PADI1: variants seen among roughly 807,000 people sequenced by gnomAD.
The protein encoded by PADI1 is protein-arginine deiminase type-1.
A neutral mutation model predicts 74.8 loss-of-function variants in PADI1; 65 were observed. The observed-to-expected ratio is 0.87, with a 90% CI of 0.71 to 1.07. PADI1 has a LOEUF of 1.07. Among genes scored for constraint, PADI1 ranks in the 50% least tolerant of loss-of-function variants. The pLI is 0.00. For missense variants in PADI1, 943 were observed against 854.0 expected (o/e 1.10, Z -1.30); for synonymous variants, 371 against 336.2 (o/e 1.10, Z -1.13).
At chr1:17,239,632 A>C in intron 13 of PADI1, 72 bp from the exon 14 acceptor site, 2 of 1,130,402 alleles carry the variant, frequency 1.8e-6, no homozygotes, top group East Asian at 2.4e-5. Context: ...GGCCTGGATT[A>C]TGTAGCCCCA....
intron 4 of PADI1, among the ~76,000 whole-genome samples, chr1:17,225,202 C>A (rs1230698095): frequency 6.6e-6 from 1 of 152,234 alleles, no homozygotes; most frequent in African/African-American, 2.4e-5. Flanking sequence ...ACTCACCTCT[C>A]AGAACCTCCC....
Position 17,229,057 on chromosome 1 carries a change from G to T in PADI1, c.929+6G>T. ...GAGGAGCTGTATGTGTGCAGGTGAG[G>T]CTCCCTCCCTCCAGCCCTCCCCCAA... On this transcript the variant is annotated splice_donor_region_variant and intron_variant, in intron 8 of 15. Transcript: ENST00000375471. 1 of 1,532,188 alleles carries T rather than the reference G, an allele frequency of 6.5e-7. No homozygotes were observed. The highest frequency in any genetic ancestry group is 1.2e-5 in the South Asian group (1 of 84,172). The allele number at this position is 1,532,188 out of a possible 1,614,324, so 94.9% of individuals were successfully genotyped here. A position where few individuals can be genotyped will look rare whatever the true frequency, so the allele number is the denominator to read the frequency against.
In PADI1 at chr1:17,230,208, G is replaced by C; in HGVS notation, c.1053G>C (p.Gln351His). The part of the protein sequence containing the change: ...QVENRNDRWI[Q>H]DEMEFGYIEA... ...AAAATCGAAATGACCGCTGGATCCA[G>C]GTGGGAGCTGGGGGCAGCTCGGGAA... Residue 351 changes from glutamine to histidine, a missense_variant and splice_region_variant, in exon 9 of 16, where the codon CAG becomes CAC. Physicochemically the swap from Gln to His is conservative, Grantham distance 24 (BLOSUM62 0). Coordinates refer to ENST00000375471, the MANE Select transcript of PADI1 (RefSeq NM_013358.3). The C allele has an allele frequency of 6.2e-7, 1 of 1,613,330 alleles. No individual in the cohort carries two copies. Among genetic ancestry groups the C allele is most frequent in the African/African-American group, 1.3e-5 (1 of 75,056 alleles).
At chr1:17,222,498 G>T (rs1413863299) in intron 2 of PADI1, 28 bp downstream of exon 2, 2 of 1,573,128 alleles carry the variant, frequency 1.3e-6, no homozygotes, top group African/African-American at 1.3e-5. Context: ...CATAGAAAAG[G>T]GTTGGATCTC....
At chr1:17,213,560 T>C (rs1275744766) in intron 1 of PADI1, among the ~76,000 whole-genome samples, 1 of 152,228 alleles carries the variant, frequency 6.6e-6, no homozygotes, top group African/African-American at 2.4e-5. Context: ...GCTGTCCTGG[T>C]AAATTCTTTT....
chr1:17,232,032 G>A (rs1251681267), intron 10 of PADI1, among the ~76,000 whole-genome samples: 1 of 152,070 alleles, frequency 6.6e-6, no homozygotes, highest in Non-Finnish European at 1.5e-5. Flanking sequence ...TCTGCCTTCC[G>A]GGTTCAAGCG....
chr1:17,224,146 C>T (rs1325014642), intron 3 of PADI1, among the ~76,000 whole-genome samples: 1 of 152,194 alleles, frequency 6.6e-6, no homozygotes, highest in African/African-American at 2.4e-5. Context: ...TGGACATGCA[C>T]AGGCAAGCAA....
At position 17,222,311 on chromosome 1, in the gene PADI1, C is replaced by T; in HGVS notation, c.114C>T (p.Asn38=). The change falls in exon 2 of 16, where the codon AAC becomes AAT. Residue 38 remains asparagine (N), a synonymous_variant. Coordinates refer to ENST00000375471, the MANE Select transcript of PADI1 (RefSeq NM_013358.3). ...DIHSDVPKGA[N]SFRVSGSSGV... ...CCAGTGATGTGCCCAAGGGTGCCAA[C>T]AGCTTCAGGGTCTCTGGAAGCTCCG... 2 of 1,613,918 alleles carry T rather than the reference C, an allele frequency of 1.2e-6. No individual in the cohort carries two copies. The highest frequency in any genetic ancestry group is 8.5e-7 in the Non-Finnish European group (1 of 1,179,808).
chr1:17,218,080 A>G (rs1001514067), intron 1 of PADI1, among the ~76,000 whole-genome samples: 19 of 152,300 alleles, frequency 1.2e-4, no homozygotes, highest in African/African-American at 4.6e-4. Context: ...TACGTCACAT[A>G]TCAGATTTAG....
chr1:17,215,096 T>A (rs1201059095), intron 1 of PADI1, among the ~76,000 whole-genome samples: 1 of 151,924 alleles, frequency 6.6e-6, no homozygotes, highest in Non-Finnish European at 1.5e-5. Flanking sequence ...CCTGTGGGAG[T>A]GGCCCTGGGC....
intron 4 of PADI1, among the ~76,000 whole-genome samples, chr1:17,225,582 G>T (rs2072284739): frequency 6.6e-6 from 1 of 152,190 alleles, no homozygotes; most frequent in Non-Finnish European, 1.5e-5. Context: ...TGATGGCTGG[G>T]TAGAGCCATT....
chr1:17,240,244 A>C (rs1321066702), intron 14 of PADI1: 1 of 248,056 alleles, frequency 4.0e-6, no homozygotes. Context: ...AGGGGCTAGC[A>C]CAGAGTCGGT....
chr1:17,244,218 T>A lies in PADI1; in HGVS notation c.1967T>A (p.Phe656Tyr). The change falls in exon 16 of 16, where the codon TTC (phenylalanine) becomes TAC (tyrosine). Residue 656 changes from phenylalanine to tyrosine, a missense_variant. Transcript: ENST00000375471. ...AACGTGCGCAGGAAGCCCTTTCCCT[T>A]CAAATGGTGGAACATGGTGCCCTGA... ...GTNVRRKPFP[F>Y]KWWNMVP 6.2e-7 allele frequency: 1 copy of A among 1,614,030 alleles called. No individual in the cohort carries two copies. Among genetic ancestry groups the A allele is most frequent in the African/African-American group, 1.3e-5 (1 of 75,026 alleles).
intron 15 of PADI1, among the ~76,000 whole-genome samples, chr1:17,241,515 G>A (rs1398424754): frequency 7.0e-6 from 1 of 143,788 alleles, no homozygotes; most frequent in East Asian, 2.1e-4. Context: ...TCGGAATCGG[G>A]ATGGAATCAG....
At chr1:17,233,352 C>A (rs1422353837) in intron 11 of PADI1, among the ~76,000 whole-genome samples, 1 of 152,166 alleles carries the variant, frequency 6.6e-6, no homozygotes, top group Non-Finnish European at 1.5e-5. Context: ...ATTGACTTCT[C>A]CCATTAGGAA....
chr1:17,216,115 A>G (rs545949399), intron 1 of PADI1, among the ~76,000 whole-genome samples: 1 of 152,238 alleles, frequency 6.6e-6, no homozygotes, highest in South Asian at 2.1e-4. Context: ...AACGGCAGGA[A>G]CAAGCAAGAG....
chr1:17,239,512 C>T (rs1386324541), intron 13 of PADI1, 192 bp from the exon 14 acceptor site: 5 of 554,998 alleles, frequency 9.0e-6, no homozygotes, highest in Non-Finnish European at 1.6e-5. Flanking sequence ...GTTCCTTATC[C>T]ATCACCAGGT....
chr1:17,205,516 C>T (rs757646893), intron 1 of PADI1, among the ~76,000 whole-genome samples: 1 of 152,140 alleles, frequency 6.6e-6, no homozygotes, highest in Non-Finnish European at 1.5e-5. Flanking sequence ...GGGCACTGGG[C>T]TCAGGACATT....
In PADI1 at chr1:17,224,382, T is replaced by C. The variant is rs757316725; in HGVS notation, c.362T>C (p.Val121Ala). The C allele has an allele frequency of 3.1e-6, 5 of 1,613,842 alleles. No individual in the cohort carries two copies. In the South Asian group the frequency reaches 5.5e-5, roughly 18 times the overall value. Residue 121 changes from valine (V) to alanine (A), a missense_variant, in exon 4 of 16, where the codon GTT (valine) becomes GCT (alanine). Transcript: ENST00000375471. ...YLTGVDISLE[V>A]DTGRTGKVKR... ...CTCTTTGCAGATATTTCCCTTGAGG[T>C]TGACACAGGCCGCACAGGCAAGGTG... is the stretch of plus-strand genomic sequence containing the variant.
Sources: allele counts gnomAD v4.1 joint callset (sites outside exome capture counted in the v4.1 genomes callset), GRCh38; gene constraint gnomAD v4.1.1; transcripts MANE v1.5; gene names NCBI Gene and HGNC (gene_info 2026-07-23, HGNC 2026-07-21).